SNX29: variants seen among roughly 807,000 people sequenced by gnomAD.
SNX29 encodes sorting nexin-29.
Under a neutral mutation model 102.1 loss-of-function variants are expected in SNX29, and 78 were observed. The observed-to-expected ratio is 0.76, with a 90% CI of 0.64 to 0.92. SNX29 has a LOEUF of 0.92. Among genes scored for constraint, SNX29 ranks in the 40% least tolerant of loss-of-function variants. SNX29 has a pLI of 0.00. For missense variants in SNX29, 1,280 were observed against 1,061.7 expected (o/e 1.21, Z -2.86); for synonymous variants, 580 against 414.5 (o/e 1.40, Z -4.85).
rs59796551 is a variant in SNX29 at position 12,267,245 on chromosome 16, A to AGT, written c.1679-10673_1679-10672dup. Among the ~76,000 whole-genome samples, 116 of 150,674 alleles carry AGT rather than the reference A, an allele frequency of 7.7e-4. 1 individual carries two copies. The Middle Eastern group carries it at 0.028, about 36-fold the overall frequency. On this transcript the variant is annotated intron_variant, in intron 14 of 20. Coordinates refer to ENST00000566228, the MANE Select transcript of SNX29 (RefSeq NM_032167.5). The stretch of plus-strand genomic sequence containing the variant: ...AACCAAAAATGTTAGCATGGGTGCG[A>AGT]GTGTGTGTGTGTGTGTATGTGTGGC...
chr16:12,220,763 T>TA (rs1472482849), intron 14 of SNX29, among the ~76,000 whole-genome samples: 2 of 152,226 alleles, frequency 1.3e-5, no homozygotes, highest in African/African-American at 4.8e-5. Flanking sequence ...TTAAGCTTCT[T>TA]ATAATAGCTG....
At chr16:12,113,501 G>C (rs2053576054) in intron 11 of SNX29, among the ~76,000 whole-genome samples, 1 of 152,222 alleles carries the variant, frequency 6.6e-6, no homozygotes, top group South Asian at 2.1e-4. Context: ...CACCCTCTCA[G>C]TGGCTGGCTG....
At chr16:12,110,055 A>G (rs1369085387) in intron 11 of SNX29, among the ~76,000 whole-genome samples, 1 of 152,070 alleles carries the variant, frequency 6.6e-6, no homozygotes, top group African/African-American at 2.4e-5. Context: ...GTGTGATCTC[A>G]CTGTCCTGCC....
chr16:12,512,367 AAAATATATATAT>A (rs1221345891), intron 19 of SNX29, among the ~76,000 whole-genome samples: 631 of 39,444 alleles, frequency 0.016, 53 homozygotes, highest in East Asian at 0.089. Context: ...AGGCCCAGGG[AAAATATATATAT>A]ATATATATAT....
At position 12,387,389 on chromosome 16, in the gene SNX29, G is replaced by A. The variant is rs56656680; in HGVS notation, c.1900-11057G>A. ...GGGATAGCACTCGAGCCTTGGGAGA[G>A]CAATGAGGAGAATCGTTGGCGTCTC... On this transcript the variant is annotated intron_variant, in intron 16 of 20. Transcript: ENST00000566228. Among the ~76,000 whole-genome samples the A allele has an allele frequency of 4.3e-3, 657 of 152,268 alleles. 12 individuals are homozygous for A. Among genetic ancestry groups the A allele is most frequent in the East Asian group, 0.039 (200 of 5,168 alleles).
intron 20 of SNX29, among the ~76,000 whole-genome samples, chr16:12,540,607 A>G (rs80034403): frequency 3.9e-5 from 6 of 152,086 alleles, no homozygotes; most frequent in Admixed American, 3.9e-4. Context: ...CTGAGATTCC[A>G]TGGGGTGGAC....
At chr16:12,205,817 G>T (rs1168024603) in intron 14 of SNX29, among the ~76,000 whole-genome samples, 1 of 152,248 alleles carries the variant, frequency 6.6e-6, no homozygotes, top group Non-Finnish European at 1.5e-5. Context: ...CAGCCCACAA[G>T]AGCAGGGATG....
intron 18 of SNX29, among the ~76,000 whole-genome samples, chr16:12,449,498 C>T (rs749896523): frequency 1.4e-4 from 21 of 152,064 alleles, no homozygotes; most frequent in Non-Finnish European, 2.8e-4. Flanking sequence ...AAAACCCAAA[C>T]CAAACTGGCT....
chr16:12,353,760 G>A (rs189915911), intron 15 of SNX29, among the ~76,000 whole-genome samples: 33 of 152,364 alleles, frequency 2.2e-4, no homozygotes, highest in African/African-American at 7.0e-4. Context: ...AGAGGGAGAA[G>A]GGGGATTGGA....
intron 11 of SNX29, among the ~76,000 whole-genome samples, chr16:12,122,008 A>C (rs2053994269): frequency 6.6e-6 from 1 of 151,978 alleles, no homozygotes; most frequent in South Asian, 2.1e-4. Flanking sequence ...TAGAGACGGG[A>C]TTTCACCATG....
rs536086836 is a variant in SNX29 at position 12,573,716 on chromosome 16, CACGG to C, written c.*5089_*5092del. On this transcript the variant is annotated 3_prime_UTR_variant, in exon 21 of 21. Coordinates refer to ENST00000566228, the MANE Select transcript of SNX29 (RefSeq NM_032167.5). ...AAAATTGGGACTGAGGACAGTAGCACACGGAATGGTGGATCGTACATTTGCACCC... is the reference window on the plus strand; with the variant it reads ...AAAATTGGGACTGAGGACAGTAGCACAATGGTGGATCGTACATTTGCACCC... The C allele has an allele frequency of 4.7e-4, 105 of 223,718 alleles. 1 individual carries two copies. Among genetic ancestry groups the C allele is most frequent in the African/African-American group, 2.1e-3 (95 of 44,896 alleles). The allele number at this position is 223,718 out of a possible 1,614,324, so 13.9% of individuals were successfully genotyped here.
chr16:12,044,460 C>T (rs1205363132), intron 5 of SNX29, among the ~76,000 whole-genome samples: 1 of 152,136 alleles, frequency 6.6e-6, no homozygotes, highest in Non-Finnish European at 1.5e-5. Flanking sequence ...TGCTTGGGAA[C>T]CAGGAGGACT....
intron 9 of SNX29, among the ~76,000 whole-genome samples, chr16:12,068,006 CT>C (rs71408231): frequency 0.32 from 48,682 of 151,944 alleles, 7,902 homozygotes; most frequent in African/African-American, 0.38. Context: ...GAAAATTGGC[CT>C]TTTTAGAAAG....
chr16:12,344,039 A>C (rs998755175), intron 15 of SNX29, among the ~76,000 whole-genome samples: 4 of 152,134 alleles, frequency 2.6e-5, no homozygotes, highest in Non-Finnish European at 5.9e-5. Flanking sequence ...GAGTCTCATG[A>C]GATCTGATGG....
chr16:12,567,117 C>T (rs990862622), intron 20 of SNX29, among the ~76,000 whole-genome samples: 1 of 152,234 alleles, frequency 6.6e-6, no homozygotes, highest in Non-Finnish European at 1.5e-5. Context: ...ATGCAAGTCT[C>T]TTAACTCACA....
chr16:12,374,137 C>G (rs753585155), intron 16 of SNX29, among the ~76,000 whole-genome samples: 1 of 152,222 alleles, frequency 6.6e-6, no homozygotes. Flanking sequence ...TGGGCTGTGT[C>G]TAGCCCATTC....
Position 12,369,802 on chromosome 16 carries a change from C to T in SNX29, c.1899+13523C>T, listed in dbSNP as rs527745801. ...TCTAACTAAATACATTATACTTATT[C>T]CTTAATTTAATATATTTATTTCCCT... On this transcript the variant is annotated intron_variant, in intron 16 of 20. Transcript: ENST00000566228. 2.0e-5 allele frequency among the ~76,000 whole-genome samples: 3 copies of T among 152,278 alleles called. No homozygotes were observed. In the East Asian group the frequency reaches 5.8e-4, roughly 29 times the overall value.
chr16:12,521,023 C>A (rs889847849), intron 19 of SNX29, among the ~76,000 whole-genome samples: 1 of 151,936 alleles, frequency 6.6e-6, no homozygotes, highest in African/African-American at 2.4e-5. Flanking sequence ...AGTAAAAATA[C>A]AAAAATTAGC....
chr16:12,259,526 G>A (rs117621014), intron 14 of SNX29, among the ~76,000 whole-genome samples: 3,632 of 152,292 alleles, frequency 0.024, 83 homozygotes, highest in Non-Finnish European at 0.038. Flanking sequence ...TGAGAGCTGT[G>A]GCGCAGAGGA....
Sources: gnomAD v4.1 joint callset for allele counts (sites outside exome capture counted in the v4.1 genomes callset) on GRCh38, gnomAD v4.1.1 for gene constraint, MANE v1.5 for transcripts, NCBI Gene and HGNC (gene_info 2026-07-23, HGNC 2026-07-21) for gene names.